ASIC2: variants seen among roughly 807,000 people sequenced by gnomAD.
ASIC2 encodes the protein acid-sensing ion channel 2.
A neutral mutation model predicts 57.3 loss-of-function variants in ASIC2; 25 were observed. That is an observed-to-expected ratio of 0.44 (90% CI 0.32 to 0.61). The LOEUF (loss-of-function observed/expected upper bound fraction) is 0.61. Among genes scored for constraint, ASIC2 ranks in the 20% least tolerant of loss-of-function variants. The pLI is 0.06. For missense variants in ASIC2, 641 were observed against 738.1 expected, an observed-to-expected ratio of 0.87 and a Z score of 1.52; for synonymous variants, 319 against 307.5, an observed-to-expected ratio of 1.04 and a Z score of -0.39.
intron 1 of ASIC2, among the ~76,000 whole-genome samples, chr17:33,117,682 G>A (rs1304154632): frequency 6.6e-6 from 1 of 152,140 alleles, no homozygotes; most frequent in Non-Finnish European, 1.5e-5. Context: ...TCAAGTCTGT[G>A]GTCATTCTCA....
chr17:33,213,261 A>C (rs1907346975), intron 1 of ASIC2, among the ~76,000 whole-genome samples: 1 of 152,204 alleles, frequency 6.6e-6, no homozygotes, highest in Non-Finnish European at 1.5e-5. Flanking sequence ...GGTCCTAAGA[A>C]CTGAAGGTGG....
intron 1 of ASIC2, among the ~76,000 whole-genome samples, chr17:33,824,810 G>A (rs369895038): frequency 2.5e-4 from 38 of 152,160 alleles, no homozygotes; most frequent in African/African-American, 6.0e-4. Context: ...CTCTTCCTTC[G>A]TCTTTTGCCA....
At chr17:34,048,798 C>CT (rs1350646619) in intron 1 of ASIC2, among the ~76,000 whole-genome samples, 1 of 152,176 alleles carries the variant, frequency 6.6e-6, no homozygotes, top group African/African-American at 2.4e-5. Context: ...TATGTTGGTG[C>CT]TGTCGTGGGA....
intron 1 of ASIC2, among the ~76,000 whole-genome samples, chr17:33,499,518 A>G (rs1269769904): frequency 3.3e-5 from 5 of 152,212 alleles, no homozygotes; most frequent in Admixed American, 3.3e-4. Context: ...GAGGCATGGA[A>G]AATATTGTTC....
intron 1 of ASIC2, among the ~76,000 whole-genome samples, chr17:33,527,310 G>A (rs1217161596): frequency 6.6e-6 from 1 of 152,150 alleles, no homozygotes; most frequent in Non-Finnish European, 1.5e-5. Flanking sequence ...CCAAGCAACA[G>A]CTAAAGGCTT....
intron 1 of ASIC2, among the ~76,000 whole-genome samples, chr17:33,627,836 A>T (rs1906035143): frequency 6.6e-6 from 1 of 152,154 alleles, no homozygotes; most frequent in African/African-American, 2.4e-5. Flanking sequence ...CATTCACTGC[A>T]TACCCAGTAT....
At chr17:33,048,447 C>G (rs566887601) in intron 3 of ASIC2, among the ~76,000 whole-genome samples, 3 of 152,214 alleles carry the variant, frequency 2.0e-5, no homozygotes, top group African/African-American at 7.2e-5. Flanking sequence ...CGAGCTCACA[C>G]TTGAACGTAT....
rs181666141 is a variant in ASIC2, at chr17:33,311,240, C to T, written c.556-199173G>A. ...GGTATGACTGGCCCATTTCATAGAT[C>T]GGGGGAGTGACATTTAGAGAGTTGA... On this transcript the variant is annotated intron_variant, in intron 1 of 9. Coordinates refer to the ASIC2 transcript ENST00000359872. Among the ~76,000 whole-genome samples, 6 of 152,254 alleles carry T rather than the reference C, an allele frequency of 3.9e-5. No individual in the cohort carries two copies. The East Asian group carries it at 9.6e-4, about 24-fold the overall frequency.
chr17:33,885,964 G>A (rs1185299181), intron 1 of ASIC2, among the ~76,000 whole-genome samples: 1 of 152,106 alleles, frequency 6.6e-6, no homozygotes, highest in Non-Finnish European at 1.5e-5. Flanking sequence ...ACATTCATAG[G>A]TGCAATCTCA....
chr17:33,579,869 A>T (rs1185529635), intron 1 of ASIC2, among the ~76,000 whole-genome samples: 1 of 152,144 alleles, frequency 6.6e-6, no homozygotes, highest in Non-Finnish European at 1.5e-5. Context: ...CCCCACCCAC[A>T]TCCTGCTTAT....
intron 1 of ASIC2, among the ~76,000 whole-genome samples, chr17:33,617,784 A>C (rs542800477): frequency 6.6e-6 from 1 of 152,346 alleles, no homozygotes; most frequent in Admixed American, 6.5e-5. Context: ...CTGAAAATCC[A>C]TGTGACCCTG....
chr17:33,676,503 C>T (rs969001825), intron 1 of ASIC2, among the ~76,000 whole-genome samples: 5 of 151,136 alleles, frequency 3.3e-5, no homozygotes, highest in South Asian at 2.1e-4. Context: ...ATATAGAGAA[C>T]GTTTCAGTGG....
chr17:33,746,872 G>C (rs544884205), intron 1 of ASIC2, among the ~76,000 whole-genome samples: 13 of 152,152 alleles, frequency 8.5e-5, no homozygotes, highest in African/African-American at 2.9e-4. Context: ...GATGAAATTA[G>C]AAATTAATAA....
chr17:33,175,422 T>C (rs1244442133), intron 1 of ASIC2, among the ~76,000 whole-genome samples: 1 of 152,170 alleles, frequency 6.6e-6, no homozygotes, highest in South Asian at 2.1e-4. Flanking sequence ...TACATCACTT[T>C]ATTTTTAAAA....
At chr17:33,920,696 C>A (rs559151391) in intron 1 of ASIC2, among the ~76,000 whole-genome samples, 2 of 152,278 alleles carry the variant, frequency 1.3e-5, no homozygotes, top group East Asian at 3.9e-4. Flanking sequence ...ACATGTACCC[C>A]CTGAATCTAA....
chr17:33,975,852 C>T (rs2142001000), intron 1 of ASIC2, among the ~76,000 whole-genome samples: 1 of 152,244 alleles, frequency 6.6e-6, no homozygotes, highest in South Asian at 2.1e-4. Context: ...CTGTTCTTTG[C>T]TGTCTGGGCT....
At chr17:33,949,981 G>A (rs1362581238) in intron 1 of ASIC2, among the ~76,000 whole-genome samples, 1 of 152,200 alleles carries the variant, frequency 6.6e-6, no homozygotes, top group Non-Finnish European at 1.5e-5. Flanking sequence ...CCCAGATCCT[G>A]ATCCTTGGTA....
At chr17:33,501,872 G>T (rs1373560984) in intron 1 of ASIC2, among the ~76,000 whole-genome samples, 1 of 152,162 alleles carries the variant, frequency 6.6e-6, no homozygotes, top group Non-Finnish European at 1.5e-5. Context: ...GTGGAGGGCT[G>T]GGGTAAGGGG....
intron 1 of ASIC2, among the ~76,000 whole-genome samples, chr17:33,858,756 C>T (rs1370196295): frequency 2.6e-5 from 4 of 152,334 alleles, no homozygotes; most frequent in South Asian, 2.1e-4. Flanking sequence ...CCATATGCAT[C>T]GATCTCACCC....
Sources: allele counts gnomAD v4.1 joint callset (sites outside exome capture counted in the v4.1 genomes callset), GRCh38; gene constraint gnomAD v4.1.1; transcripts MANE v1.5; gene names NCBI Gene and HGNC (gene_info 2026-07-23, HGNC 2026-07-21).